ZNF723: variants seen among roughly 807,000 people sequenced by gnomAD.
The protein encoded by ZNF723 is zinc finger protein 723, also known as zinc finger protein 723, pseudogene.
In ZNF723, 5 loss-of-function variants were observed where a neutral mutation model predicts 9.4. The observed-to-expected ratio is 0.53, with a 90% CI of 0.28 to 1.12. The LOEUF (loss-of-function observed/expected upper bound fraction) is 1.12, where lower values mean the gene tolerates loss of function less well. ZNF723 is among the 50% of genes most tolerant of loss of function. The pLI is 0.10. For synonymous variants in ZNF723, 158 were observed against 168.8 expected (o/e 0.94, Z 0.49); for missense variants, 450 against 501.5 (o/e 0.90, Z 0.98).
rs143891765 is a variant in ZNF723, at chr19:22,832,338, A to T, written c.-42A>T. ...GGCCTCCTGACCTACATGCATTGGG[A>T]GATCCACAGCTAAGACGCCAGGACT... is the stretch of plus-strand genomic sequence containing the variant. On this transcript the variant is annotated 5_prime_UTR_variant, in exon 1 of 4. Transcript: ENST00000600766. 7 of 1,382,228 alleles carry T rather than the reference A, an allele frequency of 5.1e-6. No homozygotes were observed. Among genetic ancestry groups the T allele is most frequent in the Non-Finnish European group, 7.1e-6 (7 of 988,754 alleles). The allele number at this position is 1,382,228 out of a possible 1,614,324, so 85.6% of individuals were successfully genotyped here.
rs1967118294 is a variant in ZNF723 at position 22,833,108 on chromosome 19, GAGT to G, written c.3+729_3+731del. Among the ~76,000 whole-genome samples the G allele has an allele frequency of 1.3e-5, 2 of 151,956 alleles. 1 individual carries two copies. The highest frequency in any genetic ancestry group is 4.1e-4 in the South Asian group (2 of 4,824). On this transcript the variant is annotated intron_variant, in intron 1 of 3. Coordinates refer to ENST00000600766, the MANE Select transcript of ZNF723 (RefSeq NM_001349726.2). ...TTTTTTTTTTAAGTAGGAATCCAGA[GAGT>G]AGATTTCCACCTCAGCCTAATTCCA...
the ZNF723 span, among the ~76,000 whole-genome samples, chr19:22,821,575 C>T: frequency 2.0e-5 from 3 of 152,174 alleles, no homozygotes; most frequent in Non-Finnish European, 4.4e-5. Flanking sequence ...CACAGCCCTG[C>T]CCACAGAGTG....
chr19:22,830,734 T>C, upstream of ZNF723, among the ~76,000 whole-genome samples: 1 of 152,106 alleles, frequency 6.6e-6, no homozygotes, highest in Admixed American at 6.6e-5. Flanking sequence ...CAGAATAATA[T>C]TGATTGTAAA....
rs151024707 is a variant in ZNF723 at position 22,855,996 on chromosome 19, G to A, written c.227-1122G>A. ...TTTTTTGAGACAGAGTCTTGCTCTTGTCTCCCAGGCTGGAGTGCAATGGCG... is the reference window on the plus strand; with the variant it reads ...TTTTTTGAGACAGAGTCTTGCTCTTATCTCCCAGGCTGGAGTGCAATGGCG... On this transcript the variant is annotated intron_variant, in intron 3 of 3. Transcript: ENST00000600766. 7.8e-3 allele frequency among the ~76,000 whole-genome samples: 1,184 copies of A among 152,090 alleles called. 18 individuals carry two copies. The highest frequency in any genetic ancestry group is 0.027 in the African/African-American group (1,139 of 41,498).
At chr19:22,846,360 C>T (rs886181695) in intron 1 of ZNF723, among the ~76,000 whole-genome samples, 10 of 152,304 alleles carry the variant, frequency 6.6e-5, no homozygotes, top group Non-Finnish European at 8.8e-5. Context: ...CGGTGGCTCC[C>T]ACCTGTAATC....
chr19:22,848,306 G>A lies in ZNF723; in HGVS notation c.49G>A (p.Glu17Lys), dbSNP rs1967342941. The change falls in exon 2 of 4, where the codon GAG becomes AAG. Residue 17 changes from glutamate to lysine, a missense_variant. Around this residue, in one of 5 missense-constraint regions of ZNF723, gnomAD observed 19 missense variants for 20.1 expected, o/e 0.95. Transcript: ENST00000600766. The part of the protein sequence containing the change: ...TDVAIKFSLE[E>K]WQFLDTAQQN... Reference sequence around the variant, plus strand: ...TGTGGCAATAAAATTTTCTCTGGAGGAGTGGCAATTCCTGGACACTGCACA... The same window carrying A: ...TGTGGCAATAAAATTTTCTCTGGAGAAGTGGCAATTCCTGGACACTGCACA... 2.2e-6 allele frequency: 3 copies of A among 1,333,490 alleles called. No individual in the cohort carries two copies. Among genetic ancestry groups the A allele is most frequent in the Non-Finnish European group, 3.2e-6 (3 of 943,112 alleles). The allele number at this position is 1,333,490 out of a possible 1,614,324, so 82.6% of individuals were successfully genotyped here. A position where few individuals can be genotyped will look rare whatever the true frequency, so the allele number is the denominator to read the frequency against.
At chr19:22,825,831 G>T in the ZNF723 span, among the ~76,000 whole-genome samples, 1 of 152,198 alleles carries the variant, frequency 6.6e-6, no homozygotes, top group Non-Finnish European at 1.5e-5. Flanking sequence ...TGATTTTACT[G>T]CATGGGCAGT....
At chr19:22,842,664 G>GAC (rs1967263419) in intron 1 of ZNF723, among the ~76,000 whole-genome samples, 1 of 152,104 alleles carries the variant, frequency 6.6e-6, no homozygotes, top group Non-Finnish European at 1.5e-5. Flanking sequence ...CTTTTAGGTA[G>GAC]ACATATCTTT....
intron 3 of ZNF723, among the ~76,000 whole-genome samples, chr19:22,853,412 A>G (rs1194471242): frequency 6.6e-6 from 1 of 152,182 alleles, no homozygotes; most frequent in Non-Finnish European, 1.5e-5. Context: ...CAGCATGGAC[A>G]TCTTCAAAAT....
chr19:22,825,990 G>C, the ZNF723 span, among the ~76,000 whole-genome samples: 5 of 152,196 alleles, frequency 3.3e-5, no homozygotes, highest in Non-Finnish European at 5.9e-5. Context: ...CCTTAGCCTT[G>C]CTCACAGGGG....
chr19:22,830,923 C>T (rs770470528), upstream of ZNF723, among the ~76,000 whole-genome samples: 31 of 152,092 alleles, frequency 2.0e-4, no homozygotes, highest in Non-Finnish European at 3.7e-4. Flanking sequence ...CCACCATGTC[C>T]GGCTAATTTT....
chr19:22,825,459 G>T, the ZNF723 span, among the ~76,000 whole-genome samples: 4 of 152,322 alleles, frequency 2.6e-5, no homozygotes, highest in South Asian at 8.3e-4. Flanking sequence ...AATTCCACTC[G>T]TCTGTGTAGG....
chr19:22,829,275 A>T (rs919336785), upstream of ZNF723, among the ~76,000 whole-genome samples: 4 of 145,620 alleles, frequency 2.7e-5, no homozygotes, highest in Non-Finnish European at 6.0e-5. Flanking sequence ...AGGATTTGAC[A>T]CTACGTAAGT....
chr19:22,842,282 C>T (rs1359644583), intron 1 of ZNF723, among the ~76,000 whole-genome samples: 1 of 152,148 alleles, frequency 6.6e-6, no homozygotes, highest in Non-Finnish European at 1.5e-5. Flanking sequence ...TGGAAAATTA[C>T]AGGCATGAGC....
intron 1 of ZNF723, among the ~76,000 whole-genome samples, chr19:22,837,201 G>T (rs1330922575): frequency 6.6e-6 from 1 of 151,458 alleles, no homozygotes; most frequent in Non-Finnish European, 1.5e-5. Flanking sequence ...GCTGAGGCAG[G>T]AGAATCACTT....
chr19:22,853,276 T>G (rs1490296060), intron 3 of ZNF723, among the ~76,000 whole-genome samples: 1 of 152,096 alleles, frequency 6.6e-6, no homozygotes, highest in Non-Finnish European at 1.5e-5. Context: ...TTTCTTTTTT[T>G]GAAGATTGTT....
intron 1 of ZNF723, among the ~76,000 whole-genome samples, chr19:22,846,813 C>CTTTTTTTTTTTTTTTTTTTT (rs760924027): frequency 1.4e-5 from 1 of 69,112 alleles, no homozygotes; most frequent in African/African-American, 6.0e-5. Context: ...CTATAATTTC[C>CTTTTTTTTTTTTTTTTTTTT]TTTTTTTTTT....
rs1319086075 is a variant in ZNF723 at position 22,846,700 on chromosome 19, A to G, written c.4-1561A>G. 3.9e-5 allele frequency among the ~76,000 whole-genome samples: 6 copies of G among 152,034 alleles called. No homozygotes were observed. The East Asian group carries it at 1.2e-3, about 29-fold the overall frequency. On this transcript the variant is annotated intron_variant, in intron 1 of 3. Coordinates refer to ENST00000600766, the MANE Select transcript of ZNF723 (RefSeq NM_001349726.2). ...GAGATAACTGCTCTCTAGGGTGCTCAAAAAAGACTCCTTAAAATCACTACT... is the reference window on the plus strand; with the variant it reads ...GAGATAACTGCTCTCTAGGGTGCTCGAAAAAGACTCCTTAAAATCACTACT...
intron 1 of ZNF723, among the ~76,000 whole-genome samples, chr19:22,841,459 T>C (rs1429943078): frequency 6.6e-6 from 1 of 152,224 alleles, no homozygotes; most frequent in Non-Finnish European, 1.5e-5. Context: ...AAAACAGTTT[T>C]CTTTCTGTTC....
Sources: gnomAD v4.1 joint callset for allele counts (sites outside exome capture counted in the v4.1 genomes callset) on GRCh38, gnomAD v4.1.1 for gene constraint, gnomAD v4.1.1 regional missense constraint, MANE v1.5 for transcripts, NCBI Gene and HGNC (gene_info 2026-07-23, HGNC 2026-07-21) for gene names.